GAS2: variants seen among roughly 807,000 people sequenced by gnomAD.
GAS2 encodes growth arrest-specific protein 2.
In GAS2, 20 loss-of-function variants were observed where a neutral mutation model predicts 37.5. The observed-to-expected ratio is 0.53, with a 90% CI of 0.37 to 0.77. The LOEUF (loss-of-function observed/expected upper bound fraction) is 0.77. GAS2 is among the 30% of genes least tolerant of loss of function. The pLI is 0.00. For missense variants in GAS2, 336 were observed against 373.4 expected (o/e 0.90, Z 0.82); for synonymous variants, 144 against 132.2 (o/e 1.09, Z -0.61).
chr11:22,749,111 T>G lies in GAS2; in HGVS notation c.474-9T>G. ...TATGCATATGTAATGATCCAGGGTC[T>G]TTTTAAAGGTATGGTGTGGAGCCTC... On this transcript the variant is annotated splice_polypyrimidine_tract_variant and intron_variant, in intron 5 of 7. Coordinates refer to ENST00000454584, the MANE Select transcript of GAS2 (RefSeq NM_001143830.3). 6.2e-7 allele frequency: 1 copy of G among 1,604,892 alleles called. No individual in the cohort carries two copies. The highest frequency in any genetic ancestry group is 8.5e-7 in the Non-Finnish European group (1 of 1,176,440).
At chr11:22,712,323 G>T (rs1046658684) in intron 3 of GAS2, among the ~76,000 whole-genome samples, 2 of 152,170 alleles carry the variant, frequency 1.3e-5, no homozygotes, top group Admixed American at 6.6e-5. Flanking sequence ...CTCCGCCAGA[G>T]CAGGTTCCGG....
At chr11:22,712,431 C>T (rs964620587) in intron 3 of GAS2, among the ~76,000 whole-genome samples, 3 of 152,152 alleles carry the variant, frequency 2.0e-5, no homozygotes, top group African/African-American at 7.2e-5. Flanking sequence ...CACTGGGTGG[C>T]TAGATCCAGA....
chr11:22,760,508 A>C lies in GAS2; in HGVS notation c.723+4555A>C, dbSNP rs570367424. 3.9e-5 allele frequency among the ~76,000 whole-genome samples: 6 copies of C among 152,346 alleles called. No individual in the cohort carries two copies. The East Asian group carries it at 1.2e-3, about 29-fold the overall frequency. ...TATATAGGAAGGGATTCAGTGTACC[A>C]ACAACGCAATTCAAAATCATTTGCA... is the stretch of plus-strand genomic sequence containing the variant. On this transcript the variant is annotated intron_variant, in intron 7 of 7. Coordinates refer to ENST00000454584, the MANE Select transcript of GAS2 (RefSeq NM_001143830.3).
intron 5 of GAS2, among the ~76,000 whole-genome samples, chr11:22,747,944 T>A (rs1027456092): frequency 6.6e-6 from 1 of 152,052 alleles, no homozygotes; most frequent in Non-Finnish European, 1.5e-5. Flanking sequence ...ATATGTGTAA[T>A]GGTATCAGTT....
In GAS2 at chr11:22,789,281, C is replaced by CATATATAT. The variant is rs1210684540; in HGVS notation, c.724-22501_724-22494dup. Among the ~76,000 whole-genome samples, 70 of 109,854 alleles carry CATATATAT rather than the reference C, an allele frequency of 6.4e-4. 1 individual carries two copies. Among genetic ancestry groups the CATATATAT allele is most frequent in the African/African-American group, 2.6e-3 (68 of 26,336 alleles). 72.1% of individuals were successfully genotyped at this position (109,854 alleles called of 152,430 possible). On this transcript the variant is annotated intron_variant, in intron 7 of 7. Coordinates refer to ENST00000454584, the MANE Select transcript of GAS2 (RefSeq NM_001143830.3). ...TTCCTGGGGCAGTATGCCTAGATTT[C>CATATATAT]ATATATATATATATATATATATACA...
intron 1 of GAS2, among the ~76,000 whole-genome samples, chr11:22,645,705 A>G (rs1293792686): frequency 2.0e-5 from 3 of 152,040 alleles, no homozygotes; most frequent in Non-Finnish European, 2.9e-5. Flanking sequence ...CAAATTTTAT[A>G]GTGAAAATTT....
At chr11:22,752,958 T>C (rs76663694) in intron 6 of GAS2, among the ~76,000 whole-genome samples, 2,100 of 152,208 alleles carry the variant, frequency 0.014, 56 homozygotes, top group African/African-American at 0.048. Flanking sequence ...GATGTCCTGA[T>C]AGAGTGATTC....
intron 3 of GAS2, chr11:22,702,112 C>A (rs1456603016): frequency 6.6e-6 from 1 of 152,106 alleles, no homozygotes; most frequent in African/African-American, 2.4e-5. Context: ...ATGTATGGAC[C>A]TATTACAATG....
intron 7 of GAS2, among the ~76,000 whole-genome samples, chr11:22,792,346 C>T (rs1214210951): frequency 6.6e-6 from 1 of 152,120 alleles, no homozygotes; most frequent in Non-Finnish European, 1.5e-5. Context: ...TTTTTCTCTA[C>T]TACCTGTGTG....
At chr11:22,732,265 G>T (rs1852514738) in intron 4 of GAS2, among the ~76,000 whole-genome samples, 1 of 151,684 alleles carries the variant, frequency 6.6e-6, no homozygotes, top group African/African-American at 2.4e-5. Flanking sequence ...TAACCTGGGT[G>T]CTGGGTGCTA....
At chr11:22,640,538 T>C (rs1858896527) in intron 1 of GAS2, among the ~76,000 whole-genome samples, 1 of 152,138 alleles carries the variant, frequency 6.6e-6, no homozygotes, top group South Asian at 2.1e-4. Flanking sequence ...TCAATGGAGA[T>C]TCTCAAGCAT....
chr11:22,705,328 A>G (rs549869644), intron 3 of GAS2, among the ~76,000 whole-genome samples: 2 of 152,184 alleles, frequency 1.3e-5, no homozygotes, highest in East Asian at 1.9e-4. Context: ...AGGGGTGTGT[A>G]TGATTTGCTT....
intron 3 of GAS2, among the ~76,000 whole-genome samples, chr11:22,686,999 C>T (rs1849993089): frequency 2.0e-5 from 3 of 151,974 alleles, no homozygotes; most frequent in Non-Finnish European, 4.4e-5. Flanking sequence ...CTTTGCTGCA[C>T]ATTGGAATTA....
rs1415689259 is a variant in GAS2, at chr11:22,699,728, A to G, written c.267+13939A>G. On this transcript the variant is annotated intron_variant, in intron 3 of 7. Transcript: ENST00000454584. ...ATGTAGTAATAATTGTAGCTACCTCATTTGGTTATTATGGGGACTAAGTAA... is the reference window on the plus strand; with the variant it reads ...ATGTAGTAATAATTGTAGCTACCTCGTTTGGTTATTATGGGGACTAAGTAA... Among the ~76,000 whole-genome samples the G allele has an allele frequency of 2.0e-5, 3 of 152,126 alleles. No individual in the cohort carries two copies. In the East Asian group the frequency reaches 5.8e-4, roughly 29 times the overall value.
At chr11:22,672,027 T>C (rs1290463890) in intron 1 of GAS2, among the ~76,000 whole-genome samples, 1 of 152,174 alleles carries the variant, frequency 6.6e-6, no homozygotes, top group African/African-American at 2.4e-5. Context: ...AGAATCTGAA[T>C]TCTTTTAAGA....
At chr11:22,655,770 T>C (rs1211369150) in intron 1 of GAS2, among the ~76,000 whole-genome samples, 1 of 152,230 alleles carries the variant, frequency 6.6e-6, no homozygotes, top group Non-Finnish European at 1.5e-5. Context: ...AACCATAAGA[T>C]GTAAATAATA....
intron 3 of GAS2, among the ~76,000 whole-genome samples, chr11:22,686,021 G>T (rs1849927608): frequency 2.6e-5 from 4 of 151,802 alleles, no homozygotes; most frequent in Non-Finnish European, 5.9e-5. Flanking sequence ...GAGAAATGAT[G>T]GTATTAAAAG....
At chr11:22,701,458 G>A (rs1164395252) in intron 3 of GAS2, among the ~76,000 whole-genome samples, 3 of 152,160 alleles carry the variant, frequency 2.0e-5, no homozygotes, top group African/African-American at 7.2e-5. Context: ...ATACTCTCAA[G>A]GAGTTTACTC....
chr11:22,704,611 A>ATATATATATG (rs1241753639), intron 3 of GAS2, among the ~76,000 whole-genome samples: 1 of 142,808 alleles, frequency 7.0e-6, no homozygotes, highest in African/African-American at 2.6e-5. Context: ...ATATATATAT[A>ATATATATATG]TATATATATA....
Sources: allele counts gnomAD v4.1 joint callset (sites outside exome capture counted in the v4.1 genomes callset), GRCh38; gene constraint gnomAD v4.1.1; transcripts MANE v1.5; gene names NCBI Gene and HGNC (gene_info 2026-07-23, HGNC 2026-07-21).